Variants in CWH43 observed in about 807,000 individuals in gnomAD.
CWH43 encodes cell wall biogenesis 43 C-terminal homolog.
Under a neutral mutation model 85.7 loss-of-function variants are expected in CWH43, and 91 were observed. That is an observed-to-expected ratio of 1.06 (90% CI 0.90 to 1.26). CWH43 has a LOEUF of 1.26. CWH43 is among the 50% of genes most tolerant of loss of function. The probability of loss-of-function intolerance (pLI) is 0.00; values close to 1 mark genes in which losing one functional copy is unlikely to be tolerated. For missense variants in CWH43, 869 were observed against 839.2 expected (o/e 1.04, Z -0.44); for synonymous variants, 323 against 293.6 (o/e 1.10, Z -1.02).
intron 14 of CWH43, among the ~76,000 whole-genome samples, chr4:49,049,655 A>T (rs1784736793): frequency 6.6e-6 from 1 of 152,174 alleles, no homozygotes; most frequent in African/African-American, 2.4e-5. Flanking sequence ...TTGGCCCGCA[A>T]AACACCAAGC....
At chr4:49,054,599 G>A (rs573202297) in intron 15 of CWH43, among the ~76,000 whole-genome samples, 5 of 152,224 alleles carry the variant, frequency 3.3e-5, no homozygotes, top group Admixed American at 1.3e-4. Context: ...GCTTTTGGTA[G>A]TATGAATATT....
intron 13 of CWH43, among the ~76,000 whole-genome samples, chr4:49,041,556 G>T (rs1784463638): frequency 6.6e-6 from 1 of 152,152 alleles, no homozygotes; most frequent in Non-Finnish European, 1.5e-5. Context: ...GTCTATTATT[G>T]GTGTATAAGA....
At chr4:49,004,610 G>C (rs1783096579) in intron 7 of CWH43, among the ~76,000 whole-genome samples, 1 of 152,074 alleles carries the variant, frequency 6.6e-6, no homozygotes, top group African/African-American at 2.4e-5. Context: ...GGCTGGTCTT[G>C]AACTCCTGGC....
chr4:49,049,861 A>G (rs1320990230), intron 14 of CWH43, among the ~76,000 whole-genome samples: 3 of 152,280 alleles, frequency 2.0e-5, no homozygotes, highest in African/African-American at 7.2e-5. Context: ...CTTACACTGC[A>G]TTCACCCCAG....
intron 15 of CWH43, among the ~76,000 whole-genome samples, chr4:49,053,389 T>C (rs1409785939): frequency 6.6e-6 from 1 of 152,222 alleles, no homozygotes; most frequent in African/African-American, 2.4e-5. Context: ...AATATGGCTA[T>C]ACTAATTTAC....
At position 48,996,298 on chromosome 4, in the gene CWH43, TACAC is replaced by T. The variant is rs36210509; in HGVS notation, c.713+1508_713+1511del. On this transcript the variant is annotated intron_variant, in intron 5 of 15. Coordinates refer to ENST00000226432, the MANE Select transcript of CWH43 (RefSeq NM_025087.3). ...TTTTTATATATGTGTTATATATGTG[TACAC>T]ACACACACACACACACACACACACA... Among the ~76,000 whole-genome samples the T allele has an allele frequency of 8.3e-3, 1,245 of 149,960 alleles. 15 individuals are homozygous for T. The highest frequency in any genetic ancestry group is 0.019 in the African/African-American group (787 of 40,506).
In CWH43 at chr4:49,032,891, G is replaced by A. The variant is rs114472747; in HGVS notation, c.1658+176G>A. Among the ~76,000 whole-genome samples the A allele has an allele frequency of 3.3e-3, 497 of 152,302 alleles. 3 individuals carry two copies. The highest frequency in any genetic ancestry group is 0.012 in the African/African-American group (479 of 41,566). On this transcript the variant is annotated intron_variant, in intron 12 of 15. Coordinates refer to ENST00000226432, the MANE Select transcript of CWH43 (RefSeq NM_025087.3). ...AGAAGCATTTAAGATGCAGGCAGCC[G>A]TTAGTGCTGGTGTAGGGACAGGCCG...
chr4:49,054,442 A>G (rs1211489815), intron 15 of CWH43, among the ~76,000 whole-genome samples: 1 of 152,278 alleles, frequency 6.6e-6, no homozygotes. Context: ...TGGTAGCGTG[A>G]TGCCTCCAGC....
intron 8 of CWH43, among the ~76,000 whole-genome samples, chr4:49,013,315 C>A (rs1197459150): frequency 6.6e-6 from 1 of 152,272 alleles, no homozygotes; most frequent in African/African-American, 2.4e-5. Context: ...AGGATGGTAT[C>A]TCCTGTTCTG....
At chr4:49,052,244 C>T (rs901524284) in intron 15 of CWH43, among the ~76,000 whole-genome samples, 17 of 152,224 alleles carry the variant, frequency 1.1e-4, no homozygotes, top group South Asian at 6.2e-4. Context: ...TAGGAAACCG[C>T]GGGCCTTAGG....
At chr4:49,002,754 G>A (rs892692999) in intron 6 of CWH43, among the ~76,000 whole-genome samples, 1 of 152,138 alleles carries the variant, frequency 6.6e-6, no homozygotes, top group Admixed American at 6.6e-5. Context: ...TTGAAGTGGG[G>A]AGAAATAGGC....
intron 2 of CWH43, among the ~76,000 whole-genome samples, chr4:48,989,590 C>T (rs1782594951): frequency 6.6e-6 from 1 of 152,130 alleles, no homozygotes; most frequent in African/African-American, 2.4e-5. Context: ...GTATAGAGCT[C>T]TTGTTTTGTT....
In CWH43 at chr4:49,040,397, T is replaced by G. The variant is rs1188736912; in HGVS notation, c.1803+2217T>G. On this transcript the variant is annotated intron_variant, in intron 13 of 15. Coordinates refer to ENST00000226432, the MANE Select transcript of CWH43 (RefSeq NM_025087.3). ...AGTGTTCCTATTTCTCCACATCCTC[T>G]CCAGCACCTGTCGTTTCCTGACTTT... Among the ~76,000 whole-genome samples the G allele has an allele frequency of 3.3e-5, 5 of 152,326 alleles. No homozygotes were observed. The East Asian group carries it at 9.6e-4, about 29-fold the overall frequency.
chr4:49,061,725 T>C lies in CWH43; in HGVS notation c.2022-87T>C, dbSNP rs1785164029. 9 of 1,094,864 alleles carry C rather than the reference T, an allele frequency of 8.2e-6. No individual in the cohort carries two copies. In the South Asian group the frequency reaches 1.8e-4, roughly 22 times the overall value. The allele number at this position is 1,094,864 out of a possible 1,614,324, so 67.8% of individuals were successfully genotyped here. On this transcript the variant is annotated intron_variant, in intron 15 of 15. Coordinates refer to ENST00000226432, the MANE Select transcript of CWH43 (RefSeq NM_025087.3). ...TTTATTTATTCATTTGCTATTTTAT[T>C]TTATGATTGAAATTTTACATAAGAA... is the stretch of plus-strand genomic sequence containing the variant.
chr4:49,022,283 T>C (rs1252754473), intron 9 of CWH43, among the ~76,000 whole-genome samples: 1 of 152,214 alleles, frequency 6.6e-6, no homozygotes, highest in Non-Finnish European at 1.5e-5. Context: ...TGTCAACTGC[T>C]TTTTCTGTGT....
At chr4:49,043,865 T>G (rs1784542337) in intron 13 of CWH43, among the ~76,000 whole-genome samples, 1 of 151,972 alleles carries the variant, frequency 6.6e-6, no homozygotes, top group Admixed American at 6.6e-5. Flanking sequence ...ATTATAATTT[T>G]TATGTATACA....
chr4:49,034,636 A>G (rs1231182895), intron 12 of CWH43, among the ~76,000 whole-genome samples: 1 of 152,146 alleles, frequency 6.6e-6, no homozygotes, highest in African/African-American at 2.4e-5. Flanking sequence ...ATGATACATA[A>G]CTCCAGGAAT....
chr4:49,045,626 T>C (rs552646194), intron 14 of CWH43, among the ~76,000 whole-genome samples: 1 of 152,180 alleles, frequency 6.6e-6, no homozygotes, highest in Non-Finnish European at 1.5e-5. Context: ...ATAGCTTAGG[T>C]GTGTAGTAGG....
At chr4:48,993,533 C>A (rs551175499) in intron 4 of CWH43, among the ~76,000 whole-genome samples, 2 of 152,292 alleles carry the variant, frequency 1.3e-5, no homozygotes, top group Non-Finnish European at 2.9e-5. Context: ...GATGGGGTCA[C>A]AAAGCATCTG....
Sources: gnomAD v4.1 joint callset for allele counts (sites outside exome capture counted in the v4.1 genomes callset) on GRCh38, gnomAD v4.1.1 for gene constraint, MANE v1.5 for transcripts, NCBI Gene and HGNC (gene_info 2026-07-23, HGNC 2026-07-21) for gene names.